The following STAG1 variants were observed in gnomAD, a reference collection of about 807,000 sequenced individuals.
The protein encoded by STAG1 is STAG1 cohesin complex component.
Under a neutral mutation model 170.9 loss-of-function variants are expected in STAG1, and 26 were observed. The observed-to-expected ratio is 0.15, with a 90% CI of 0.11 to 0.21. The LOEUF (loss-of-function observed/expected upper bound fraction) is 0.21, where lower values mean the gene tolerates loss of function less well. Among genes scored for constraint, STAG1 ranks in the 10% least tolerant of loss-of-function variants. The pLI is 1.00. For synonymous variants in STAG1, 514 were observed against 497.7 expected (o/e 1.03, Z -0.44); for missense variants, 964 against 1,509.5 (o/e 0.64, Z 5.99).
intron 5 of STAG1, among the ~76,000 whole-genome samples, chr3:136,556,569 C>T (rs1427873853): frequency 2.0e-5 from 3 of 151,600 alleles, no homozygotes; most frequent in East Asian, 3.9e-4. Context: ...ACTTGACATT[C>T]GTTTTTTTTT....
chr3:136,414,677 T>C (rs1326190005), intron 21 of STAG1, among the ~76,000 whole-genome samples: 4 of 152,216 alleles, frequency 2.6e-5, no homozygotes, highest in African/African-American at 9.6e-5. Flanking sequence ...CCCAGAAGTT[T>C]CTCAATTTTC....
intron 7 of STAG1, among the ~76,000 whole-genome samples, chr3:136,510,544 A>G (rs950938899): frequency 6.6e-6 from 1 of 151,238 alleles, no homozygotes; most frequent in Non-Finnish European, 1.5e-5. Flanking sequence ...TAAAAGTGTT[A>G]GCATTACAGG....
At chr3:136,637,894 G>A (rs1940634718) in intron 1 of STAG1, among the ~76,000 whole-genome samples, 1 of 149,084 alleles carries the variant, frequency 6.7e-6, no homozygotes, top group Admixed American at 6.7e-5. Flanking sequence ...TTTTTAAGAT[G>A]GGAGGTCTTG....
intron 6 of STAG1, among the ~76,000 whole-genome samples, chr3:136,532,638 A>G (rs2107931226): frequency 6.6e-6 from 1 of 152,330 alleles, no homozygotes; most frequent in Non-Finnish European, 1.5e-5. Context: ...AATGTGATAC[A>G]TAACATCAAC....
chr3:136,640,759 G>A (rs1397511574), intron 1 of STAG1, among the ~76,000 whole-genome samples: 28 of 144,442 alleles, frequency 1.9e-4, no homozygotes, highest in African/African-American at 6.9e-4. Context: ...TGCAACCTGT[G>A]CCTCCCGGGT....
At chr3:136,620,584 G>A (rs911538887) in intron 3 of STAG1, among the ~76,000 whole-genome samples, 1 of 152,144 alleles carries the variant, frequency 6.6e-6, no homozygotes, top group African/African-American at 2.4e-5. Context: ...ACACTAGTGT[G>A]AGGATTAAAT....
At chr3:136,691,480 G>A (rs1385525802) in intron 1 of STAG1, among the ~76,000 whole-genome samples, 2 of 152,066 alleles carry the variant, frequency 1.3e-5, no homozygotes, top group East Asian at 3.9e-4. Context: ...TACAGTCCCA[G>A]CTACTGGGGA....
At chr3:136,649,531 C>T (rs1426773682) in intron 1 of STAG1, among the ~76,000 whole-genome samples, 1 of 145,942 alleles carries the variant, frequency 6.9e-6, no homozygotes, top group African/African-American at 2.5e-5. Flanking sequence ...AAGAAAGGGT[C>T]CAGTTTGACT....
At chr3:136,402,199 GATTTT>G (rs1400186489) in intron 21 of STAG1, among the ~76,000 whole-genome samples, 1 of 151,872 alleles carries the variant, frequency 6.6e-6, no homozygotes, top group Non-Finnish European at 1.5e-5. Flanking sequence ...AGTTAGAGCT[GATTTT>G]ATTTTTTTAA....
intron 4 of STAG1, among the ~76,000 whole-genome samples, chr3:136,591,091 A>C (rs1427286223): frequency 6.6e-6 from 1 of 151,506 alleles, no homozygotes. Flanking sequence ...TTATATTAAG[A>C]AAGTTGCTGC....
chr3:136,653,286 A>C (rs898527128), intron 1 of STAG1, among the ~76,000 whole-genome samples: 2 of 152,042 alleles, frequency 1.3e-5, no homozygotes, highest in East Asian at 1.9e-4. Context: ...AAAAAAAAAG[A>C]AAAGCAAAGA....
intron 21 of STAG1, among the ~76,000 whole-genome samples, chr3:136,416,047 G>C (rs113202314): frequency 4.7e-5 from 7 of 150,494 alleles, no homozygotes; most frequent in African/African-American, 1.5e-4. Flanking sequence ...CTTGCTCATC[G>C]CCCAGGCTGG....
chr3:136,738,211 C>G (rs1934455305), intron 1 of STAG1, among the ~76,000 whole-genome samples: 1 of 152,040 alleles, frequency 6.6e-6, no homozygotes, highest in Non-Finnish European at 1.5e-5. Context: ...CAAATTTTCA[C>G]CAGGCCCAGT....
At chr3:136,397,033 A>G (rs1258858882) in intron 22 of STAG1, among the ~76,000 whole-genome samples, 1 of 152,216 alleles carries the variant, frequency 6.6e-6, no homozygotes, top group African/African-American at 2.4e-5. Flanking sequence ...AAAAATTCTT[A>G]CTCTGAAAAA....
intron 16 of STAG1, among the ~76,000 whole-genome samples, chr3:136,427,100 G>C (rs1366963648): frequency 6.7e-6 from 1 of 150,294 alleles, no homozygotes; most frequent in Non-Finnish European, 1.5e-5. Flanking sequence ...GTGGTGGCAA[G>C]CGCATGTAAT....
intron 7 of STAG1, among the ~76,000 whole-genome samples, chr3:136,516,255 T>A (rs1326404437): frequency 6.6e-6 from 1 of 152,038 alleles, no homozygotes; most frequent in Non-Finnish European, 1.5e-5. Context: ...GTGGTTGTAA[T>A]CCCAGCACTT....
intron 1 of STAG1, among the ~76,000 whole-genome samples, chr3:136,691,781 A>G (rs531190546): frequency 7.7e-4 from 118 of 152,300 alleles, no homozygotes; most frequent in African/African-American, 2.8e-3. Flanking sequence ...AATCAACACC[A>G]TCTTCCTTAC....
chr3:136,623,360 T>C, intron 2 of STAG1, 112 bp from the exon 3 acceptor site: 1 of 849,886 alleles, frequency 1.2e-6, no homozygotes, highest in Non-Finnish European at 1.8e-6. Context: ...TTTATACTTC[T>C]ACTTTCAGAG....
Position 136,501,578 on chromosome 3 carries a change from G to A in STAG1, c.828+1050C>T, listed in dbSNP as rs1001907897. ...AAGTCTGGAACACAACCTTCCGAGC[G>A]AGGATGGCCCTGCCAACACCTTGAT... On this transcript the variant is annotated intron_variant, in intron 8 of 33. Coordinates refer to ENST00000383202, the MANE Select transcript of STAG1 (RefSeq NM_005862.3). 2.9e-4 allele frequency among the ~76,000 whole-genome samples: 44 copies of A among 152,282 alleles called. 1 individual carries two copies. Among genetic ancestry groups the A allele is most frequent in the African/African-American group, 1.0e-3 (43 of 41,552 alleles).
Sources: allele counts gnomAD v4.1 joint callset (sites outside exome capture counted in the v4.1 genomes callset), GRCh38; gene constraint gnomAD v4.1.1; transcripts MANE v1.5; gene names NCBI Gene and HGNC (gene_info 2026-07-23, HGNC 2026-07-21).